COP1: variants seen among roughly 807,000 people sequenced by gnomAD.
COP1 encodes the protein COP1 E3 ubiquitin ligase, also known as E3 ubiquitin-protein ligase COP1.
Under a neutral mutation model 101.3 loss-of-function variants are expected in COP1, and 24 were observed. The observed-to-expected ratio is 0.24, with a 90% CI of 0.17 to 0.33. COP1 has a LOEUF of 0.33. COP1 is among the 10% of genes least tolerant of loss of function. COP1 has a pLI of 1.00. For synonymous variants in COP1, 347 were observed against 341.9 expected (o/e 1.01, Z -0.17); for missense variants, 663 against 906.2 (o/e 0.73, Z 3.45).
chr1:175,988,631 G>A (rs1243937999), intron 16 of COP1: 11 of 400,936 alleles, frequency 2.7e-5, no homozygotes, highest in Non-Finnish European at 4.0e-5. Flanking sequence ...TCTGGAGTTC[G>A]AGACCAGCCT....
chr1:176,091,175 G>A (rs919733170), intron 9 of COP1, among the ~76,000 whole-genome samples: 1 of 151,962 alleles, frequency 6.6e-6, no homozygotes, highest in Non-Finnish European at 1.5e-5. Flanking sequence ...CAAAAATGAA[G>A]TTTATTACCA....
chr1:176,030,778 T>C lies in COP1; in HGVS notation c.1613-3090A>G, dbSNP rs147153955. On this transcript the variant is annotated intron_variant, in intron 14 of 19. Coordinates refer to ENST00000367669, the MANE Select transcript of COP1 (RefSeq NM_022457.7). ...GGTTATTAAACAAAACAGGTGTTAA[T>C]TGTGTTCCCCAAAAAGACATGTTTC... Among the ~76,000 whole-genome samples, 593 of 152,310 alleles carry C rather than the reference T, an allele frequency of 3.9e-3. 2 individuals carry two copies. The highest frequency in any genetic ancestry group is 6.4e-3 in the Non-Finnish European group (437 of 68,032).
At chr1:176,084,347 A>G (rs1679728967) in intron 10 of COP1, among the ~76,000 whole-genome samples, 1 of 152,192 alleles carries the variant, frequency 6.6e-6, no homozygotes, top group African/African-American at 2.4e-5. Context: ...TTCCAACGAA[A>G]TAAGAGGACA....
intron 11 of COP1, among the ~76,000 whole-genome samples, chr1:176,050,161 A>C (rs1325649055): frequency 1.3e-5 from 2 of 152,210 alleles, no homozygotes; most frequent in Non-Finnish European, 2.9e-5. Flanking sequence ...TTTCTTTCAC[A>C]TTTTGAAACA....
chr1:176,181,660 G>A (rs1364385353), intron 2 of COP1, among the ~76,000 whole-genome samples: 39 of 151,946 alleles, frequency 2.6e-4, no homozygotes, highest in Admixed American at 2.5e-3. Context: ...GGCTAACATG[G>A]TGAACCCCGT....
At chr1:176,155,963 T>C (rs575123235) in intron 5 of COP1, among the ~76,000 whole-genome samples, 1 of 151,968 alleles carries the variant, frequency 6.6e-6, no homozygotes, top group African/African-American at 2.4e-5. Flanking sequence ...GCCAGATGGA[T>C]GCGAGAAAAA....
intron 11 of COP1, among the ~76,000 whole-genome samples, chr1:176,051,980 GA>G (rs1390488173): frequency 2.6e-5 from 4 of 152,026 alleles, no homozygotes; most frequent in Middle Eastern, 6.8e-3. Flanking sequence ...AATTATTGAA[GA>G]AAAAAATTTA....
At chr1:175,973,429 G>C (rs1041050401) in intron 18 of COP1, among the ~76,000 whole-genome samples, 6 of 152,092 alleles carry the variant, frequency 3.9e-5, no homozygotes, top group African/African-American at 1.4e-4. Context: ...CATGAAGTCA[G>C]CATAACACAG....
chr1:176,133,583 C>T (rs1689302746), intron 8 of COP1, among the ~76,000 whole-genome samples: 1 of 151,862 alleles, frequency 6.6e-6, no homozygotes, highest in Non-Finnish European at 1.5e-5. Context: ...GGGACGAGGA[C>T]TTTGTCAGCT....
In COP1 at chr1:176,122,118, C is replaced by T. The variant is rs186985660; in HGVS notation, c.969-5437G>A. ...TCGCGCCACTGCACTCCAGCTTGGG[C>T]GACAGAGCAAGACTGCATCTCAAAA... On this transcript the variant is annotated intron_variant, in intron 8 of 19. Transcript: ENST00000367669. Among the ~76,000 whole-genome samples the T allele has an allele frequency of 5.3e-3, 703 of 133,850 alleles. 7 individuals are homozygous for T. Among genetic ancestry groups the T allele is most frequent in the Non-Finnish European group, 7.2e-3 (472 of 65,306 alleles). 87.8% of individuals were successfully genotyped at this position (133,850 alleles called of 152,430 possible). A position where few individuals can be genotyped will look rare whatever the true frequency, so the allele number is the denominator to read the frequency against.
At chr1:176,149,990 C>T (rs1443018324) in intron 5 of COP1, among the ~76,000 whole-genome samples, 2 of 152,098 alleles carry the variant, frequency 1.3e-5, no homozygotes, top group Non-Finnish European at 2.9e-5. Context: ...ATTTGCCTGG[C>T]TATGCAACAG....
At chr1:176,119,928 C>T (rs1165879769) in intron 8 of COP1, among the ~76,000 whole-genome samples, 1 of 152,112 alleles carries the variant, frequency 6.6e-6, no homozygotes, top group African/African-American at 2.4e-5. Flanking sequence ...AAGATAACAA[C>T]ACTGGGAAAT....
chr1:176,005,522 A>T (rs1237676362), intron 15 of COP1, among the ~76,000 whole-genome samples: 6 of 152,100 alleles, frequency 3.9e-5, no homozygotes, highest in Admixed American at 2.6e-4. Flanking sequence ...CACTGCTTTG[A>T]ATGTGTCCCA....
intron 2 of COP1, among the ~76,000 whole-genome samples, chr1:176,181,356 A>G (rs1325816735): frequency 1.3e-5 from 2 of 152,014 alleles, no homozygotes; most frequent in Non-Finnish European, 1.5e-5. Flanking sequence ...ACGGTTAATG[A>G]CTGAAGTTCC....
chr1:176,115,180 G>A (rs1284515954), intron 9 of COP1, among the ~76,000 whole-genome samples: 1 of 152,208 alleles, frequency 6.6e-6, no homozygotes, highest in Non-Finnish European at 1.5e-5. Flanking sequence ...CGGGAGTGGT[G>A]GCTCACGCCT....
intron 15 of COP1, among the ~76,000 whole-genome samples, chr1:176,020,427 C>T (rs1372919480): frequency 6.6e-6 from 1 of 151,982 alleles, no homozygotes; most frequent in Non-Finnish European, 1.5e-5. Flanking sequence ...GTGGCTCACA[C>T]CAGCACTTTG....
intron 11 of COP1, among the ~76,000 whole-genome samples, chr1:176,063,052 T>TTC (rs1327290112): frequency 7.4e-6 from 1 of 134,550 alleles, no homozygotes; most frequent in Non-Finnish European, 1.6e-5. Context: ...AAAATGTTTT[T>TTC]TTTTTTTTTT....
chr1:176,102,996 T>C (rs959102200), intron 9 of COP1, among the ~76,000 whole-genome samples: 37 of 152,108 alleles, frequency 2.4e-4, no homozygotes, highest in African/African-American at 8.9e-4. Context: ...CCCAAATGCT[T>C]GGGGAGACTG....
intron 1 of COP1, among the ~76,000 whole-genome samples, chr1:176,202,385 C>T (rs1572832659): frequency 6.6e-6 from 1 of 152,014 alleles, no homozygotes; most frequent in Non-Finnish European, 1.5e-5. Context: ...GATGGGGTTT[C>T]GTCATGTTGC....
Sources: gnomAD v4.1 joint callset for allele counts (sites outside exome capture counted in the v4.1 genomes callset) on GRCh38, gnomAD v4.1.1 for gene constraint, MANE v1.5 for transcripts, NCBI Gene and HGNC (gene_info 2026-07-23, HGNC 2026-07-21) for gene names.